Variants in MS4A8 observed in about 807,000 individuals in gnomAD.
MS4A8 encodes membrane-spanning 4-domains subfamily A member 8.
A neutral mutation model predicts 23.7 loss-of-function variants in MS4A8; 27 were observed. The observed-to-expected ratio is 1.14, with a 90% CI of 0.84 to 1.57. The LOEUF is 1.57. Ranked by LOEUF, MS4A8 falls within the 40% of genes most tolerant of loss-of-function variation. MS4A8 has a pLI of 0.00. For synonymous variants in MS4A8, 138 were observed against 126.3 expected (o/e 1.09, Z -0.62); for missense variants, 301 against 311.4 (o/e 0.97, Z 0.25).
intron 5 of MS4A8, among the ~76,000 whole-genome samples, chr11:60,713,721 G>A (rs1184749044): frequency 6.6e-6 from 1 of 152,036 alleles, no homozygotes; most frequent in East Asian, 1.9e-4. Context: ...CCCTTTACGG[G>A]TGTTGGGCTG....
At chr11:60,704,322 C>T (rs530780669) in intron 3 of MS4A8, among the ~76,000 whole-genome samples, 7 of 151,974 alleles carry the variant, frequency 4.6e-5, no homozygotes, top group African/African-American at 1.7e-4. Flanking sequence ...GATTTCACCA[C>T]GTTGGCCAGG....
chr11:60,713,656 ACCT>A (rs367763431), intron 5 of MS4A8, among the ~76,000 whole-genome samples: 198 of 151,456 alleles, frequency 1.3e-3, no homozygotes, highest in Middle Eastern at 3.4e-3. Context: ...CTTTCCTCTT[ACCT>A]CAACTGCAAA....
chr11:60,702,397 T>C (rs550110023), intron 2 of MS4A8, among the ~76,000 whole-genome samples: 16 of 152,348 alleles, frequency 1.1e-4, no homozygotes, highest in Non-Finnish European at 2.1e-4. Flanking sequence ...CACACCATAA[T>C]AAAGTTGAAA....
chr11:60,700,684 A>T (rs376643608), intron 1 of MS4A8, among the ~76,000 whole-genome samples, 176 bp from the exon 2 acceptor site: 25 of 152,334 alleles, frequency 1.6e-4, no homozygotes, highest in African/African-American at 6.0e-4. Context: ...ATGAAAGGAA[A>T]TGTATTTGTA....
Position 60,703,376 on chromosome 11 carries a change from A to G in MS4A8, c.220-2A>G. The G allele has an allele frequency of 1.3e-6, 2 of 1,557,044 alleles. No homozygotes were observed. Among genetic ancestry groups the G allele is most frequent in the Non-Finnish European group, 1.7e-6 (2 of 1,153,546 alleles). On this transcript the variant is annotated splice_acceptor_variant, in intron 2 of 6. Coordinates refer to ENST00000300226, the MANE Select transcript of MS4A8 (RefSeq NM_031457.2). LOFTEE classifies it high-confidence loss of function. ...GACTTCAGCTTGTGGCTCTCCTGAC[A>G]GGCCATCCAGATCATCATTGGCCTG... is the stretch of plus-strand genomic sequence containing the variant.
At chr11:60,700,485 G>A (rs1296277664) in intron 1 of MS4A8, among the ~76,000 whole-genome samples, 1 of 152,144 alleles carries the variant, frequency 6.6e-6, no homozygotes, top group African/African-American at 2.4e-5. Context: ...GGCGGAGGTT[G>A]CAGTGAGCCA....
In MS4A8 at chr11:60,700,894, A is replaced by C. The variant is rs1230100836; in HGVS notation, c.34A>C (p.Asn12His). 1 of 1,614,182 alleles carries C rather than the reference A, an allele frequency of 6.2e-7. No individual in the cohort carries two copies. Among genetic ancestry groups the C allele is most frequent in the Admixed American group, 1.7e-5 (1 of 60,016 alleles). ...NSMTSAVPVA[N>H]SVLVVAPHNG... ...GATGACTTCAGCAGTTCCGGTGGCC[A>C]ATTCTGTGTTGGTGGTGGCACCCCA... Residue 12 changes from asparagine to histidine, a missense_variant, in exon 2 of 7, where the codon AAT becomes CAT. By Grantham distance (68) the Asn-to-His change is moderately conservative. Transcript: ENST00000300226.
chr11:60,704,823 C>T (rs1006851678), intron 3 of MS4A8, among the ~76,000 whole-genome samples: 1 of 123,786 alleles, frequency 8.1e-6, no homozygotes, highest in Non-Finnish European at 1.6e-5. Flanking sequence ...CACACACACA[C>T]ACACACACAC....
intron 5 of MS4A8, 176 bp downstream of exon 5, chr11:60,708,957 T>C (rs1376703361): frequency 6.1e-6 from 4 of 654,928 alleles, no homozygotes; most frequent in African/African-American, 1.9e-5. Flanking sequence ...CACATGACCT[T>C]TCCCAGTTTG....
At chr11:60,714,204 G>C (rs1022908784) in intron 5 of MS4A8, among the ~76,000 whole-genome samples, 2 of 149,302 alleles carry the variant, frequency 1.3e-5, no homozygotes, top group East Asian at 3.9e-4. Context: ...GATTACAGGC[G>C]TGAGCCACCG....
intron 5 of MS4A8, 72 bp from the exon 6 acceptor site, chr11:60,714,949 A>G: frequency 9.8e-7 from 1 of 1,016,680 alleles, no homozygotes; most frequent in Admixed American, 1.7e-5. Flanking sequence ...AGTCCATGGC[A>G]GGGCCCCAGT....
At chr11:60,714,133 C>A in intron 5 of MS4A8, among the ~76,000 whole-genome samples, 1 of 145,966 alleles carries the variant, frequency 6.9e-6, no homozygotes, top group East Asian at 2.0e-4. Flanking sequence ...ACCTTGTTAG[C>A]CAGGATGGTC....
At chr11:60,705,589 C>T (rs2088249189) in intron 3 of MS4A8, among the ~76,000 whole-genome samples, 1 of 152,238 alleles carries the variant, frequency 6.6e-6, no homozygotes, top group South Asian at 2.1e-4. Context: ...AAAAGTCCAG[C>T]CCTTCCTCCC....
intron 2 of MS4A8, among the ~76,000 whole-genome samples, chr11:60,702,070 T>C (rs1306427185): frequency 6.6e-6 from 1 of 152,212 alleles, no homozygotes; most frequent in African/African-American, 2.4e-5. Flanking sequence ...GTGTGTAATA[T>C]ACAAACATAC....
In MS4A8 at chr11:60,714,209, C is replaced by T. The variant is rs562400366; in HGVS notation, c.535-812C>T. 2.1e-5 allele frequency among the ~76,000 whole-genome samples: 3 copies of T among 142,552 alleles called. 1 individual carries two copies. Among genetic ancestry groups the T allele is most frequent in the African/African-American group, 9.2e-5 (3 of 32,466 alleles). 93.5% of individuals were successfully genotyped at this position (142,552 alleles called of 152,430 possible). On this transcript the variant is annotated intron_variant, in intron 5 of 6. Transcript: ENST00000300226. ...AAAGTGCTGGGATTACAGGCGTGAG[C>T]CACCGCGCCCGGCCGGTGATGACTC...
rs1002389014 is a variant in MS4A8, at chr11:60,708,702, G to A, written c.455G>A (p.Gly152Glu). The A allele has an allele frequency of 1.9e-6, 3 of 1,605,194 alleles. No individual in the cohort carries two copies. The African/African-American group carries it at 4.0e-5, about 22-fold the overall frequency. ...GTCAGTGCAATCTGCTCTGCAGTTG[G>A]AGTCATACTCTTCATCACAGATCTA... ...NIVSAICSAV[G>E]VILFITDLSI... The change falls in exon 5 of 7, where the codon GGA (glycine) becomes GAA (glutamate). Residue 152 changes from glycine (G) to glutamate (E), a missense_variant. By Grantham distance (98) the Gly-to-Glu change is moderately conservative (BLOSUM62 -2). Transcript: ENST00000300226.
intron 5 of MS4A8, among the ~76,000 whole-genome samples, chr11:60,713,399 A>C (rs1166441208): frequency 6.6e-6 from 1 of 151,860 alleles, no homozygotes; most frequent in Non-Finnish European, 1.5e-5. Context: ...ATAGGATAAT[A>C]GTGGAGAGAA....
chr11:60,700,930 C>G lies in MS4A8; in HGVS notation c.70C>G (p.Pro24Ala), dbSNP rs778208143. The change falls in exon 2 of 7, where the codon CCT becomes GCT. Residue 24 changes from proline (P) to alanine (A), a missense_variant. Pro to Ala is a conservative substitution (Grantham distance 27). Coordinates refer to ENST00000300226, the MANE Select transcript of MS4A8 (RefSeq NM_031457.2). Reference sequence around the variant, plus strand: ...GGTGGTGGCACCCCACAATGGTTATCCTGTGACCCCAGGAATTATGTCTCA... The same window carrying G: ...GGTGGTGGCACCCCACAATGGTTATGCTGTGACCCCAGGAATTATGTCTCA... ...VLVVAPHNGY[P>A]VTPGIMSHVP... 5.0e-6 allele frequency: 8 copies of G among 1,614,226 alleles called. No homozygotes were observed. The highest frequency in any genetic ancestry group is 6.8e-6 in the Non-Finnish European group (8 of 1,180,042).
chr11:60,701,335 T>C (rs1201665251), intron 2 of MS4A8: 3 of 589,996 alleles, frequency 5.1e-6, no homozygotes, highest in Middle Eastern at 2.6e-4. Context: ...CGCTTGAAGG[T>C]TGATCCTGTT....
Sources: gnomAD v4.1 joint callset for allele counts (sites outside exome capture counted in the v4.1 genomes callset) on GRCh38, gnomAD v4.1.1 for gene constraint, MANE v1.5 for transcripts, NCBI Gene and HGNC (gene_info 2026-07-23, HGNC 2026-07-21) for gene names.